Variants in ARID3B observed in about 807,000 individuals in gnomAD.
The protein encoded by ARID3B is AT-rich interactive domain-containing protein 3B.
ARID3B carries 10 observed loss-of-function variants against 51.9 expected under a neutral mutation model. The ratio of observed to expected loss-of-function variants is 0.19; its 90% confidence interval spans 0.12 to 0.33. The LOEUF (loss-of-function observed/expected upper bound fraction) is 0.33. Among genes scored for constraint, ARID3B ranks in the 10% least tolerant of loss-of-function variants. The probability of loss-of-function intolerance (pLI) is 1.00; values close to 1 mark genes in which losing one functional copy is unlikely to be tolerated. For synonymous variants in ARID3B, 205 were observed against 279.5 expected (o/e 0.73, Z 2.66); for missense variants, 483 against 716.3 (o/e 0.67, Z 3.72).
At chr15:74,560,178 C>T (rs1442375999) in intron 2 of ARID3B, among the ~76,000 whole-genome samples, 1 of 150,998 alleles carries the variant, frequency 6.6e-6, no homozygotes. Flanking sequence ...GCACTCCAGC[C>T]TGGGCAACAG....
intron 2 of ARID3B, among the ~76,000 whole-genome samples, chr15:74,572,245 T>A (rs2061721646): frequency 6.6e-6 from 1 of 152,254 alleles, no homozygotes; most frequent in Admixed American, 6.5e-5. Flanking sequence ...AGATTTTCAC[T>A]GTTTCTCTAA....
chr15:74,583,534 T>A (rs1210130089), intron 4 of ARID3B, among the ~76,000 whole-genome samples: 1 of 151,808 alleles, frequency 6.6e-6, no homozygotes, highest in African/African-American at 2.4e-5. Context: ...CCTGGCCAAA[T>A]GGTGAAACCC....
At chr15:74,571,763 G>A (rs189871079) in intron 2 of ARID3B, among the ~76,000 whole-genome samples, 17 of 152,304 alleles carry the variant, frequency 1.1e-4, no homozygotes, top group African/African-American at 3.4e-4. Context: ...TTAGAGGGTT[G>A]AAGGGAAGGC....
intron 3 of ARID3B, 53 bp from the exon 4 acceptor site, chr15:74,573,078 TC>T: frequency 6.2e-7 from 1 of 1,605,838 alleles, no homozygotes; most frequent in Non-Finnish European, 8.5e-7. Flanking sequence ...GTATAAGACT[TC>T]AGCAAGATGG....
At chr15:74,543,350 GAT>G (rs1567113576) in intron 1 of ARID3B, among the ~76,000 whole-genome samples, 1 of 152,306 alleles carries the variant, frequency 6.6e-6, no homozygotes, top group Admixed American at 6.5e-5. Context: ...CTGTCTGCCT[GAT>G]AGTTCTGTGT....
intron 5 of ARID3B, among the ~76,000 whole-genome samples, chr15:74,590,427 T>C (rs990602141): frequency 3.3e-5 from 5 of 152,152 alleles, no homozygotes; most frequent in African/African-American, 9.7e-5. Flanking sequence ...CCACCCCAAG[T>C]GGCCCCTCTT....
At chr15:74,550,812 A>G (rs998540658) in intron 2 of ARID3B, among the ~76,000 whole-genome samples, 122 of 152,290 alleles carry the variant, frequency 8.0e-4, no homozygotes, top group African/African-American at 2.6e-3. Context: ...GCATCAATCT[A>G]TTCCAGAGGA....
chr15:74,588,756 G>A (rs1031406072), intron 4 of ARID3B, among the ~76,000 whole-genome samples: 4 of 151,962 alleles, frequency 2.6e-5, no homozygotes, highest in South Asian at 2.1e-4. Context: ...CTTCCTCCTC[G>A]GTGCCAGGTT....
intron 4 of ARID3B, among the ~76,000 whole-genome samples, chr15:74,582,295 G>C (rs192143422): frequency 6.6e-6 from 1 of 151,960 alleles, no homozygotes; most frequent in Non-Finnish European, 1.5e-5. Context: ...AGCCTCCCGA[G>C]TAGCTGGGAT....
chr15:74,572,712 A>G lies in ARID3B; in HGVS notation c.553-150A>G, dbSNP rs553672932. The G allele has an allele frequency of 1.4e-5, 10 of 708,226 alleles. No homozygotes were observed. The Admixed American group carries it at 2.4e-4, about 17-fold the overall frequency. 43.9% of individuals were successfully genotyped at this position (708,226 alleles called of 1,614,324 possible). A position where few individuals can be genotyped will look rare whatever the true frequency, so the allele number is the denominator to read the frequency against. ...AAGATGTCCCTGTAAGGGTGGCAGA[A>G]TTAGTCTTCTGAGTTGTCTTTTATA... On this transcript the variant is annotated intron_variant, in intron 2 of 8. Transcript: ENST00000346246.
At chr15:74,576,482 TTC>T (rs2061738040) in intron 4 of ARID3B, among the ~76,000 whole-genome samples, 1 of 152,028 alleles carries the variant, frequency 6.6e-6, no homozygotes, top group South Asian at 2.1e-4. Flanking sequence ...TAGTGAGACC[TTC>T]TCTCTACAAA....
intron 2 of ARID3B, among the ~76,000 whole-genome samples, chr15:74,544,771 A>G (rs1596248245): frequency 6.7e-6 from 1 of 149,808 alleles, no homozygotes; most frequent in Non-Finnish European, 1.5e-5. Flanking sequence ...GCTCACTGCA[A>G]CCTCCATCTC....
chr15:74,573,119 A>G lies in ARID3B; in HGVS notation c.625-13A>G. The G allele has an allele frequency of 6.2e-7, 1 of 1,612,890 alleles. No homozygotes were observed. The highest frequency in any genetic ancestry group is 1.1e-5 in the South Asian group (1 of 91,010). On this transcript the variant is annotated splice_polypyrimidine_tract_variant and intron_variant, in intron 3 of 8. Coordinates refer to ENST00000346246, the MANE Select transcript of ARID3B (RefSeq NM_006465.4). Reference sequence around the variant, plus strand: ...TTTCACTGTGTGTTTTTCTTGGGGGATTGGGATTGCAGCTGTATGAACTGG... The same window carrying G: ...TTTCACTGTGTGTTTTTCTTGGGGGGTTGGGATTGCAGCTGTATGAACTGG...
At chr15:74,542,123 C>T (rs2141370001) in intron 1 of ARID3B, among the ~76,000 whole-genome samples, 1 of 152,322 alleles carries the variant, frequency 6.6e-6, no homozygotes, top group South Asian at 2.1e-4. Flanking sequence ...CAGTGACTGG[C>T]AGGACTTGGT....
At chr15:74,570,438 GT>G (rs1479208282) in intron 2 of ARID3B, among the ~76,000 whole-genome samples, 4 of 123,620 alleles carry the variant, frequency 3.2e-5, no homozygotes, top group Non-Finnish European at 4.8e-5. Context: ...AGCATTCAGA[GT>G]GCTTGGAAGT....
At chr15:74,544,997 T>G (rs533642767) in intron 2 of ARID3B, among the ~76,000 whole-genome samples, 69 of 152,338 alleles carry the variant, frequency 4.5e-4, no homozygotes, top group African/African-American at 1.5e-3. Context: ...GCCTGTATGT[T>G]ACTCTTAATA....
At chr15:74,548,324 C>A (rs1343309742) in intron 2 of ARID3B, among the ~76,000 whole-genome samples, 2 of 152,002 alleles carry the variant, frequency 1.3e-5, no homozygotes, top group African/African-American at 4.8e-5. Flanking sequence ...GGGTGTAGAC[C>A]CCCTTCGATA....
intron 4 of ARID3B, chr15:74,575,155 G>T (rs959149140): frequency 6.6e-6 from 1 of 152,070 alleles, no homozygotes; most frequent in East Asian, 1.9e-4. Context: ...AGCCCAGCTG[G>T]TGCAAACCCA....
intron 2 of ARID3B, among the ~76,000 whole-genome samples, chr15:74,558,178 CTT>C (rs1208034661): frequency 9.6e-6 from 1 of 104,670 alleles, no homozygotes; most frequent in African/African-American, 3.9e-5. Context: ...TGGTTTGTGT[CTT>C]TTTTTTTTTT....
Sources: allele counts gnomAD v4.1 joint callset (sites outside exome capture counted in the v4.1 genomes callset), GRCh38; gene constraint gnomAD v4.1.1; transcripts MANE v1.5; gene names NCBI Gene and HGNC (gene_info 2026-07-23, HGNC 2026-07-21).